Variants in CSMD1 observed in about 807,000 individuals in gnomAD.
CSMD1 encodes the protein CUB and sushi domain-containing protein 1.
In CSMD1, 213 loss-of-function variants were observed where a neutral mutation model predicts 417.5. The ratio of observed to expected loss-of-function variants is 0.51; its 90% CI spans 0.46 to 0.57. CSMD1 has a LOEUF of 0.57. Among genes scored for constraint, CSMD1 ranks in the 20% least tolerant of loss-of-function variants. The pLI, the probability that CSMD1 is intolerant of heterozygous loss-of-function variation, is 0.00. For missense variants in CSMD1, 6,923 were observed against 4,529.7 expected (o/e 1.53, Z -15.17); for synonymous variants, 2,862 against 1,736.8 (o/e 1.65, Z -16.11).
At chr8:4,314,583 C>G (rs534918267) in intron 3 of CSMD1, among the ~76,000 whole-genome samples, 4 of 142,656 alleles carry the variant, frequency 2.8e-5, no homozygotes, top group African/African-American at 7.9e-5. Flanking sequence ...TTTACTTATG[C>G]TACTGGTTGT....
intron 2 of CSMD1, among the ~76,000 whole-genome samples, chr8:4,615,616 A>G (rs1801429238): frequency 1.3e-5 from 2 of 152,216 alleles, no homozygotes; most frequent in Admixed American, 1.3e-4. Flanking sequence ...CGCTATAGCC[A>G]AAAGTCATTC....
intron 25 of CSMD1, among the ~76,000 whole-genome samples, chr8:3,295,573 G>A (rs1056148433): frequency 2.6e-5 from 4 of 152,162 alleles, no homozygotes; most frequent in Non-Finnish European, 5.9e-5. Flanking sequence ...TTTGACACGT[G>A]GTACCGCACT....
chr8:4,677,063 T>G (rs1011659177), intron 1 of CSMD1, among the ~76,000 whole-genome samples: 33 of 147,020 alleles, frequency 2.2e-4, no homozygotes, highest in East Asian at 3.9e-4. Flanking sequence ...GAATTATATA[T>G]AGAGATATGA....
At chr8:3,673,938 C>A (rs751367583) in intron 7 of CSMD1, among the ~76,000 whole-genome samples, 1 of 152,010 alleles carries the variant, frequency 6.6e-6, no homozygotes. Flanking sequence ...GGCAACATGG[C>A]ACAATCATGT....
rs117608945 is a variant in CSMD1, at chr8:3,505,587, T to C, written c.1345-11861A>G. 1.7e-3 allele frequency among the ~76,000 whole-genome samples: 265 copies of C among 152,262 alleles called. 3 individuals carry two copies. The highest frequency in any genetic ancestry group is 1.4e-3 in the Non-Finnish European group (93 of 68,018). Reference sequence around the variant, plus strand: ...ATTCACACTAACAACACCAGAAGAATTCTGTACACAAACCCAGAAGAACAA... The same window carrying C: ...ATTCACACTAACAACACCAGAAGAACTCTGTACACAAACCCAGAAGAACAA... On this transcript the variant is annotated intron_variant, in intron 10 of 69. Transcript: ENST00000635120.
rs903799594 is a variant in CSMD1, at chr8:2,966,587, G to A, written c.9083C>T (p.Thr3028Ile). The A allele has an allele frequency of 6.2e-6, 10 of 1,613,558 alleles. No individual in the cohort carries two copies. Among genetic ancestry groups the A allele is most frequent in the Non-Finnish European group, 5.9e-6 (7 of 1,179,722 alleles). The change falls in exon 58 of 70, where the codon ACT becomes ATT. Residue 3028 changes from threonine (T) to isoleucine (I), a missense_variant. Transcript: ENST00000635120. ...TTACTAACTTGTGCAGTCGGGAGCA[G>A]TGCCTGTCCAGGTCCCATTGGCTGT... ...HCTANGTWTGTAPDCTIISCG... is the reference protein window; with the variant it reads ...HCTANGTWTGIAPDCTIISCG...
At chr8:3,352,521 C>A (rs1022307604) in intron 21 of CSMD1, among the ~76,000 whole-genome samples, 1 of 152,078 alleles carries the variant, frequency 6.6e-6, no homozygotes, top group Non-Finnish European at 1.5e-5. Context: ...CTATTTGTCA[C>A]TTACACAGTG....
At chr8:4,400,388 C>A (rs1036444920) in intron 3 of CSMD1, among the ~76,000 whole-genome samples, 1 of 152,186 alleles carries the variant, frequency 6.6e-6, no homozygotes, top group African/African-American at 2.4e-5. Context: ...TATATCCATC[C>A]TGTGTTTGCC....
intron 1 of CSMD1, among the ~76,000 whole-genome samples, chr8:4,688,664 G>C (rs555371064): frequency 1.3e-5 from 2 of 152,212 alleles, no homozygotes; most frequent in African/African-American, 4.8e-5. Flanking sequence ...TAAGAACAAT[G>C]CTTCCTATTT....
In CSMD1 at chr8:3,502,322, G is replaced by A. The variant is rs531294483; in HGVS notation, c.1345-8596C>T. 1.1e-3 allele frequency among the ~76,000 whole-genome samples: 157 copies of A among 137,878 alleles called. 1 individual carries two copies. Among genetic ancestry groups the A allele is most frequent in the African/African-American group, 3.8e-3 (138 of 36,240 alleles). The allele number at this position is 137,878 out of a possible 152,430, so 90.5% of individuals were successfully genotyped here. On this transcript the variant is annotated intron_variant, in intron 10 of 69. Coordinates refer to ENST00000635120, the MANE Select transcript of CSMD1 (RefSeq NM_033225.6). ...GGAGCTTGCAGTGAGCTGAGATCGC[G>A]CCACTGCACTGCAGCCTGGGGGACA...
chr8:4,236,035 GTTTGTTTTTTTTTTTTTTTTTTTT>G (rs1397890146), intron 3 of CSMD1, among the ~76,000 whole-genome samples: 4 of 112,654 alleles, frequency 3.6e-5, no homozygotes, highest in South Asian at 6.6e-4. Flanking sequence ...TGTTTTTTTT[GTTTGTTTTTTTTTTTTTTTTTTTT>G]TTTTTTTTTT....
chr8:4,794,812 G>A (rs549891829), intron 1 of CSMD1, among the ~76,000 whole-genome samples: 2 of 152,114 alleles, frequency 1.3e-5, no homozygotes, highest in Non-Finnish European at 2.9e-5. Flanking sequence ...AGCACTCAAT[G>A]GTCCAAGTTA....
intron 5 of CSMD1, among the ~76,000 whole-genome samples, chr8:3,780,805 G>T (rs1218331049): frequency 6.6e-6 from 1 of 152,134 alleles, no homozygotes; most frequent in African/African-American, 2.4e-5. Context: ...TCAATCAGCT[G>T]GCCCTAGTGC....
chr8:4,334,460 C>T (rs770650299), intron 3 of CSMD1, among the ~76,000 whole-genome samples: 1 of 152,152 alleles, frequency 6.6e-6, no homozygotes, highest in South Asian at 2.1e-4. Context: ...CAACATCAAA[C>T]TCCTGAGTGT....
intron 3 of CSMD1, among the ~76,000 whole-genome samples, chr8:4,343,678 C>T (rs1184025445): frequency 6.6e-6 from 1 of 152,116 alleles, no homozygotes; most frequent in Non-Finnish European, 1.5e-5. Context: ...GTCTGGTGAT[C>T]TGACCTTTGC....
intron 9 of CSMD1, among the ~76,000 whole-genome samples, chr8:3,577,239 GCAT>G (rs5888971): frequency 0.36 from 54,779 of 151,746 alleles, 10,275 homozygotes; most frequent in Non-Finnish European, 0.41. Flanking sequence ...TGCATCTCAT[GCAT>G]CATATTTTAT....
intron 7 of CSMD1, among the ~76,000 whole-genome samples, chr8:3,630,749 A>G (rs1011640661): frequency 6.6e-6 from 1 of 152,134 alleles, no homozygotes; most frequent in Non-Finnish European, 1.5e-5. Flanking sequence ...CCACTGAGCC[A>G]ACGGTGGTAG....
intron 3 of CSMD1, among the ~76,000 whole-genome samples, chr8:4,359,222 G>C (rs1489037828): frequency 6.6e-6 from 1 of 152,168 alleles, no homozygotes; most frequent in Admixed American, 6.5e-5. Flanking sequence ...TATCTGTAGA[G>C]AGGGGTGTCC....
At chr8:3,730,729 A>T (rs1802795921) in intron 6 of CSMD1, among the ~76,000 whole-genome samples, 1 of 152,194 alleles carries the variant, frequency 6.6e-6, no homozygotes, top group Admixed American at 6.5e-5. Context: ...CTAGAAACTT[A>T]TTCACAGTTC....
Sources: allele counts gnomAD v4.1 joint callset (sites outside exome capture counted in the v4.1 genomes callset), GRCh38; gene constraint gnomAD v4.1.1; transcripts MANE v1.5; gene names NCBI Gene and HGNC (gene_info 2026-07-23, HGNC 2026-07-21).